Variants in USP32 observed in about 807,000 individuals in gnomAD.
USP32 encodes the protein ubiquitin specific peptidase 32.
In USP32, 59 loss-of-function variants were observed where a neutral mutation model predicts 204.8. The observed-to-expected ratio is 0.29, with a 90% CI of 0.23 to 0.36. The LOEUF (loss-of-function observed/expected upper bound fraction) is 0.36, where lower values mean the gene tolerates loss of function less well. Ranked by LOEUF, USP32 falls within the 10% of genes least tolerant of loss-of-function variation. The pLI is 1.00. For synonymous variants in USP32, 517 were observed against 678.4 expected (o/e 0.76, Z 3.70); for missense variants, 1,160 against 1,946.4 (o/e 0.60, Z 7.60).
intron 3 of USP32, 129 bp downstream of exon 3, chr17:60,301,470 G>T (rs764555080): frequency 4.5e-5 from 24 of 537,466 alleles, no homozygotes; most frequent in Non-Finnish European, 7.0e-5. Context: ...CATTTTTTAG[G>T]TGTTTATTTA....
At chr17:60,229,116 C>T (rs187969930) in intron 12 of USP32, among the ~76,000 whole-genome samples, 2 of 151,940 alleles carry the variant, frequency 1.3e-5, no homozygotes, top group East Asian at 1.9e-4. Flanking sequence ...TGCTCAGTCG[C>T]CTATAGCTCA....
intron 1 of USP32, among the ~76,000 whole-genome samples, chr17:60,388,927 C>T (rs2089780612): frequency 6.6e-6 from 1 of 152,134 alleles, no homozygotes; most frequent in African/African-American, 2.4e-5. Flanking sequence ...TTTCCAAGGC[C>T]CCGCTTTGCA....
chr17:60,237,314 T>TC (rs2145642267), intron 11 of USP32, among the ~76,000 whole-genome samples: 1 of 151,516 alleles, frequency 6.6e-6, no homozygotes, highest in South Asian at 2.1e-4. Context: ...ATTTTTTTTT[T>TC]TTTTTTTTTT....
Position 60,223,538 on chromosome 17 carries a change from T to C in USP32, c.1481A>G (p.Gln494Arg). The C allele has an allele frequency of 1.2e-6, 2 of 1,612,860 alleles. No individual in the cohort carries two copies. The highest frequency in any genetic ancestry group is 1.7e-6 in the Non-Finnish European group (2 of 1,179,730). ...GTTGTTATTGTCAGAAGTGTTATGT[T>C]GTCGAGCAAAGCAAACATCTGCCCC... ...TPGADVCFAR[Q>R]HNTSDNNNQC... Residue 494 changes from glutamine to arginine, a missense_variant, in exon 14 of 34, where the codon CAA (glutamine) becomes CGA (arginine). Transcript: ENST00000300896.
chr17:60,185,263 C>T (rs1019072026), intron 30 of USP32, among the ~76,000 whole-genome samples, 197 bp downstream of exon 30: 1 of 152,188 alleles, frequency 6.6e-6, no homozygotes, highest in African/African-American at 2.4e-5. Flanking sequence ...GTTATAAGCT[C>T]TTTAGGAAAA....
chr17:60,322,989 A>G (rs964919209), intron 2 of USP32, among the ~76,000 whole-genome samples: 2 of 152,212 alleles, frequency 1.3e-5, no homozygotes, highest in South Asian at 2.1e-4. Context: ...ATAATAAAAA[A>G]CACAGATTAA....
chr17:60,186,483 C>G (rs1239482171), intron 29 of USP32, among the ~76,000 whole-genome samples: 1 of 152,232 alleles, frequency 6.6e-6, no homozygotes, highest in East Asian at 1.9e-4. Context: ...AACTCATTTG[C>G]ATCTGATTCC....
chr17:60,270,153 A>C (rs529037020), intron 6 of USP32, among the ~76,000 whole-genome samples: 15 of 152,336 alleles, frequency 9.8e-5, no homozygotes, highest in Admixed American at 7.8e-4. Flanking sequence ...TGTGGTTTTC[A>C]AACATTTCGT....
At chr17:60,211,331 T>A in intron 20 of USP32, 45 bp downstream of exon 20, 1 of 1,586,490 alleles carries the variant, frequency 6.3e-7, no homozygotes, top group Non-Finnish European at 8.6e-7. Flanking sequence ...ATTGGGTTTA[T>A]ATCAAAGTCA....
intron 27 of USP32, 149 bp downstream of exon 27, chr17:60,198,111 C>A: frequency 1.8e-6 from 2 of 1,086,692 alleles, no homozygotes; most frequent in Non-Finnish European, 1.3e-6. Context: ...AAATATCAAA[C>A]CAAATGGTTG....
intron 11 of USP32, among the ~76,000 whole-genome samples, chr17:60,251,761 G>C (rs1361123263): frequency 6.6e-6 from 1 of 151,980 alleles, no homozygotes; most frequent in Non-Finnish European, 1.5e-5. Context: ...CCAAGACATA[G>C]AGATTTTATT....
At chr17:60,347,510 C>T (rs1018597226) in intron 1 of USP32, among the ~76,000 whole-genome samples, 6 of 151,854 alleles carry the variant, frequency 4.0e-5, no homozygotes, top group South Asian at 2.1e-4. Flanking sequence ...CCCGCCACCA[C>T]GCCCAGCTAA....
chr17:60,270,571 C>T (rs1460312482), intron 6 of USP32, among the ~76,000 whole-genome samples: 9 of 152,120 alleles, frequency 5.9e-5, no homozygotes, highest in Non-Finnish European at 1.3e-4. Flanking sequence ...CGCCTGTAAT[C>T]CCAGCACTTT....
chr17:60,357,239 C>A (rs1893330127), intron 1 of USP32, among the ~76,000 whole-genome samples: 1 of 152,092 alleles, frequency 6.6e-6, no homozygotes, highest in Non-Finnish European at 1.5e-5. Context: ...CAGCTTGAGA[C>A]CAGGAGTTCA....
chr17:60,295,013 T>C (rs1388067843), intron 3 of USP32, among the ~76,000 whole-genome samples: 1 of 152,198 alleles, frequency 6.6e-6, no homozygotes, highest in East Asian at 1.9e-4. Flanking sequence ...CAAAAATCTT[T>C]AGGTATTACA....
At chr17:60,295,241 A>G (rs200117637) in intron 3 of USP32, among the ~76,000 whole-genome samples, 9 of 123,178 alleles carry the variant, frequency 7.3e-5, no homozygotes, top group South Asian at 4.4e-4. Context: ...CAAAACTTCG[A>G]AAAAAAAAAA....
chr17:60,252,436 GACAC>G lies in USP32; in HGVS notation c.1077_1080del (p.Cys360ThrfsTer2). The stretch of plus-strand genomic sequence containing the variant: ...GCTGGTCTTAACCCCAGAACTATGT[GACAC>G]ACCTAGGGAAAAAAATGGTAAATCA... On this transcript the variant is annotated frameshift_variant and splice_region_variant, in exon 11 of 34. Coordinates refer to ENST00000300896, the MANE Select transcript of USP32 (RefSeq NM_032582.4). LOFTEE classifies it high-confidence loss of function. 1 of 1,606,424 alleles carries G rather than the reference GACAC, an allele frequency of 6.2e-7. No homozygotes were observed. Among genetic ancestry groups the G allele is most frequent in the Non-Finnish European group, 8.5e-7 (1 of 1,176,632 alleles).
chr17:60,308,556 G>A (rs911230061), intron 2 of USP32, among the ~76,000 whole-genome samples: 2 of 152,172 alleles, frequency 1.3e-5, no homozygotes, highest in African/African-American at 4.8e-5. Flanking sequence ...TCACGAAAAA[G>A]CACAAAGAAA....
At chr17:60,355,171 AG>A (rs1361801098) in intron 1 of USP32, among the ~76,000 whole-genome samples, 1 of 152,230 alleles carries the variant, frequency 6.6e-6, no homozygotes, top group Non-Finnish European at 1.5e-5. Context: ...ACTAAGTAAA[AG>A]AAGGCTGATT....
Sources: allele counts gnomAD v4.1 joint callset (sites outside exome capture counted in the v4.1 genomes callset), GRCh38; gene constraint gnomAD v4.1.1; transcripts MANE v1.5; gene names NCBI Gene and HGNC (gene_info 2026-07-23, HGNC 2026-07-21).